SYNE2: variants seen among roughly 807,000 people sequenced by gnomAD.
SYNE2 encodes spectrin repeat containing nuclear envelope protein 2.
A neutral mutation model predicts 856.3 loss-of-function variants in SYNE2; 431 were observed. The observed-to-expected ratio is 0.50, with a 90% CI of 0.47 to 0.55. The LOEUF (loss-of-function observed/expected upper bound fraction) is 0.55. Among genes scored for constraint, SYNE2 ranks in the 20% least tolerant of loss-of-function variants. SYNE2 has a pLI of 0.00. For synonymous variants in SYNE2, 2,923 were observed against 2,872.3 expected, an observed-to-expected ratio of 1.02 and a Z score of -0.56; for missense variants, 8,129 against 8,023.2, an observed-to-expected ratio of 1.01 and a Z score of -0.50.
intron 53 of SYNE2, chr14:64,075,700 G>T: frequency 2.2e-6 from 1 of 445,176 alleles, no homozygotes; most frequent in East Asian, 4.5e-5. Flanking sequence ...GTGTTGTAAT[G>T]TCTTTTCTAG....
intron 43 of SYNE2, 55 bp downstream of exon 43, chr14:64,027,848 CA>C: frequency 3.1e-6 from 4 of 1,290,880 alleles, no homozygotes; most frequent in South Asian, 1.2e-5. Context: ...CATAAGTATG[CA>C]AGACATATGT....
intron 1 of SYNE2, among the ~76,000 whole-genome samples, chr14:63,767,189 C>G (rs1184772464): frequency 6.0e-5 from 9 of 150,710 alleles, no homozygotes; most frequent in Admixed American, 3.3e-4. Flanking sequence ...TCACTGCAAT[C>G]TCCACCTCCC....
intron 1 of SYNE2, among the ~76,000 whole-genome samples, chr14:63,898,471 CT>C (rs1455454195): frequency 6.6e-6 from 1 of 152,038 alleles, no homozygotes; most frequent in Non-Finnish European, 1.5e-5. Flanking sequence ...GTGTTGCCAT[CT>C]TGGCCCACTG....
intron 1 of SYNE2, among the ~76,000 whole-genome samples, chr14:63,801,769 A>G (rs1482376077): frequency 1.3e-5 from 2 of 151,984 alleles, no homozygotes; most frequent in African/African-American, 2.4e-5. Flanking sequence ...TATTCGTCTT[A>G]AGAAGGTCTT....
intron 85 of SYNE2, among the ~76,000 whole-genome samples, chr14:64,155,192 T>C (rs754787790): frequency 1.3e-5 from 2 of 152,222 alleles, no homozygotes; most frequent in Non-Finnish European, 2.9e-5. Flanking sequence ...TGATTCATGA[T>C]AGCCAGAAAG....
intron 2 of SYNE2, among the ~76,000 whole-genome samples, chr14:63,939,248 T>G (rs561181422): frequency 3.3e-5 from 5 of 151,684 alleles, no homozygotes; most frequent in Non-Finnish European, 7.4e-5. Flanking sequence ...AAGGGAGGCA[T>G]GGTGTCAGTG....
intron 2 of SYNE2, among the ~76,000 whole-genome samples, chr14:63,912,062 A>G (rs1326323949): frequency 1.3e-5 from 2 of 152,200 alleles, no homozygotes; most frequent in African/African-American, 2.4e-5. Flanking sequence ...AGCCAATACT[A>G]TAATGTCAAG....
intron 8 of SYNE2, among the ~76,000 whole-genome samples, chr14:63,955,528 C>G (rs966276208): frequency 1.3e-5 from 2 of 151,828 alleles, no homozygotes; most frequent in Admixed American, 1.3e-4. Flanking sequence ...ATAATGTAAC[C>G]AAAGCTATTA....
intron 11 of SYNE2, among the ~76,000 whole-genome samples, chr14:63,972,308 T>G (rs1298394212): frequency 6.6e-6 from 1 of 152,120 alleles, no homozygotes; most frequent in Non-Finnish European, 1.5e-5. Context: ...CCTGATTTTG[T>G]GAAATATGGA....
At chr14:64,138,140 G>A (rs1461224715) in intron 79 of SYNE2, 157 bp downstream of exon 79, 2 of 718,446 alleles carry the variant, frequency 2.8e-6, no homozygotes, top group Non-Finnish European at 2.4e-6. Flanking sequence ...TAAACGCGAT[G>A]TAGAATCTCT....
intron 2 of SYNE2, among the ~76,000 whole-genome samples, chr14:63,912,385 C>A (rs980701787): frequency 6.6e-6 from 1 of 151,986 alleles, no homozygotes; most frequent in African/African-American, 2.4e-5. Flanking sequence ...GCATGAAGTA[C>A]TACTGAACCA....
In SYNE2 at chr14:64,193,368, G is replaced by A. The variant is rs931215505; in HGVS notation, c.18038+3131G>A. The stretch of plus-strand genomic sequence containing the variant: ...AGTTTGAGACCAGCCTGGCTTACAT[G>A]GCGAAACCCCATCTCTACCAAAAAT... On this transcript the variant is annotated intron_variant, in intron 99 of 115. Transcript: ENST00000555002. Among the ~76,000 whole-genome samples the A allele has an allele frequency of 5.9e-5, 9 of 152,118 alleles. No individual in the cohort carries two copies. The East Asian group carries it at 1.7e-3, about 29-fold the overall frequency.
Position 64,027,473 on chromosome 14 carries a change from G to C in SYNE2, c.6405-11G>C, listed in dbSNP as rs1367033388. 1 of 1,543,050 alleles carries C rather than the reference G, an allele frequency of 6.5e-7. No homozygotes were observed. Among genetic ancestry groups the C allele is most frequent in the African/African-American group, 1.4e-5 (1 of 72,374 alleles). On this transcript the variant is annotated splice_polypyrimidine_tract_variant and intron_variant, in intron 42 of 115. Transcript: ENST00000555002. ...TATCATTTAATTTATAAAATATTTTGTGAAATTTAGCCATCAAGAAAAGCT... is the reference window on the plus strand; with the variant it reads ...TATCATTTAATTTATAAAATATTTTCTGAAATTTAGCCATCAAGAAAAGCT...
At chr14:63,765,425 T>C (rs1252020191) in intron 1 of SYNE2, among the ~76,000 whole-genome samples, 2 of 152,166 alleles carry the variant, frequency 1.3e-5, no homozygotes, top group Admixed American at 6.6e-5. Context: ...CGATCTCGGC[T>C]CACTGCAAGC....
intron 38 of SYNE2, chr14:64,023,616 TC>T (rs1397474144): frequency 6.5e-6 from 1 of 154,358 alleles, no homozygotes; most frequent in African/African-American, 2.4e-5. Context: ...GTGGAGGATA[TC>T]CTGAAATGAA....
chr14:63,858,910 A>G (rs1002323316), intron 1 of SYNE2, among the ~76,000 whole-genome samples: 12 of 152,172 alleles, frequency 7.9e-5, no homozygotes, highest in Non-Finnish European at 8.8e-5. Context: ...GCCTAATTCA[A>G]AGTCAAAAAG....
intron 84 of SYNE2, among the ~76,000 whole-genome samples, chr14:64,151,505 A>C (rs1212733751): frequency 9.7e-6 from 1 of 102,732 alleles, no homozygotes; most frequent in South Asian, 3.0e-4. Flanking sequence ...TAGGCAAAGC[A>C]ATTTTCAAAA....
chr14:63,865,543 G>A (rs926770912), intron 1 of SYNE2, among the ~76,000 whole-genome samples: 13 of 152,066 alleles, frequency 8.5e-5, no homozygotes, highest in Admixed American at 8.5e-4. Context: ...CCAAGTGGAG[G>A]AGAGTAGATT....
At chr14:64,032,566 TTTG>T (rs57794503) in intron 45 of SYNE2, among the ~76,000 whole-genome samples, 3 of 149,862 alleles carry the variant, frequency 2.0e-5, no homozygotes, top group South Asian at 2.1e-4. Flanking sequence ...TATCTCTAAT[TTTG>T]TTGTTGTTGT....
Sources: gnomAD v4.1 joint callset for allele counts (sites outside exome capture counted in the v4.1 genomes callset) on GRCh38, gnomAD v4.1.1 for gene constraint, MANE v1.5 for transcripts, NCBI Gene and HGNC (gene_info 2026-07-23, HGNC 2026-07-21) for gene names.